KDM4C: variants seen among roughly 807,000 people sequenced by gnomAD.
KDM4C encodes lysine demethylase 4C, also known as lysine-specific demethylase 4C.
KDM4C carries 81 observed loss-of-function variants against 129.3 expected under a neutral mutation model. The observed-to-expected ratio is 0.63, with a 90% CI of 0.52 to 0.75. The LOEUF is 0.75. Ranked by LOEUF, KDM4C falls within the 30% of genes least tolerant of loss-of-function variation. The probability of loss-of-function intolerance (pLI) is 0.00; values close to 1 mark genes in which losing one functional copy is unlikely to be tolerated. For synonymous variants in KDM4C, 573 were observed against 456.1 expected, an observed-to-expected ratio of 1.26 and a Z score of -3.26; for missense variants, 1,457 against 1,304.0, an observed-to-expected ratio of 1.12 and a Z score of -1.81.
chr9:6,868,341 G>A (rs760447487), intron 5 of KDM4C, among the ~76,000 whole-genome samples: 5 of 152,060 alleles, frequency 3.3e-5, no homozygotes, highest in South Asian at 2.1e-4. Flanking sequence ...GAGAGTTTCC[G>A]TAGGTAACAT....
rs758876967 is a variant in KDM4C, at chr9:6,814,657, A to G, written c.347A>G (p.Tyr116Cys). Residue 116 changes from tyrosine to cysteine, a missense_variant, in exon 4 of 22, where the codon TAC becomes TGC. By Grantham distance (194) the Tyr-to-Cys change is radical. Transcript: ENST00000381309. Reference protein sequence around the residue: ...GKYCTPRYLDYEDLERKYWKN... With the variant: ...GKYCTPRYLDCEDLERKYWKN... ...TATTGTACTCCAAGATACTTGGATTACGAAGATTTGGAGCGCAAGTACTGG... is the reference window on the plus strand; with the variant it reads ...TATTGTACTCCAAGATACTTGGATTGCGAAGATTTGGAGCGCAAGTACTGG... 2.5e-6 allele frequency: 4 copies of G among 1,606,154 alleles called. No homozygotes were observed. In the South Asian group the frequency reaches 4.5e-5, roughly 18 times the overall value.
At chr9:7,082,636 A>C (rs1834668069) in intron 17 of KDM4C, among the ~76,000 whole-genome samples, 1 of 152,070 alleles carries the variant, frequency 6.6e-6, no homozygotes, top group Non-Finnish European at 1.5e-5. Context: ...CTCAGCTGGC[A>C]TTTGTCTGCT....
At chr9:6,895,642 C>T (rs1816292862) in intron 8 of KDM4C, among the ~76,000 whole-genome samples, 1 of 151,984 alleles carries the variant, frequency 6.6e-6, no homozygotes, top group Non-Finnish European at 1.5e-5. Context: ...TAGCTCATGC[C>T]TATAACTAGC....
chr9:7,065,910 C>T (rs1012683735), intron 17 of KDM4C, among the ~76,000 whole-genome samples: 32 of 151,414 alleles, frequency 2.1e-4, no homozygotes, highest in Non-Finnish European at 4.0e-4. Flanking sequence ...AATTGTGATC[C>T]GCAGGTCTTT....
upstream of KDM4C, among the ~76,000 whole-genome samples, chr9:6,753,107 T>G (rs1483673603): frequency 6.6e-6 from 1 of 152,202 alleles, no homozygotes; most frequent in South Asian, 2.1e-4. Flanking sequence ...TCTACCCCAA[T>G]GGATGGTTTG....
intron 18 of KDM4C, among the ~76,000 whole-genome samples, chr9:7,123,758 C>A (rs1839749886): frequency 6.6e-6 from 1 of 152,152 alleles, no homozygotes; most frequent in South Asian, 2.1e-4. Flanking sequence ...CACATTATGC[C>A]TTCCTTCCTG....
intron 2 of KDM4C, among the ~76,000 whole-genome samples, chr9:6,797,986 C>A (rs567986386): frequency 6.6e-6 from 1 of 152,130 alleles, no homozygotes; most frequent in Non-Finnish European, 1.5e-5. Context: ...ACTTTGGAAT[C>A]TTTTAAAGAT....
intron 21 of KDM4C, among the ~76,000 whole-genome samples, chr9:7,173,352 C>T (rs1454587066): frequency 3.9e-5 from 6 of 152,210 alleles, no homozygotes; most frequent in East Asian, 1.9e-4. Flanking sequence ...CAACTGATGC[C>T]GTCTGAGCAG....
At chr9:6,742,684 T>TTC (rs1287755866) in intron 1 of KDM4C, among the ~76,000 whole-genome samples, 2 of 151,112 alleles carry the variant, frequency 1.3e-5, no homozygotes, top group African/African-American at 4.9e-5. Context: ...GTGGGGAATT[T>TTC]TTTTTTTTTT....
intron 8 of KDM4C, among the ~76,000 whole-genome samples, chr9:6,967,693 A>G (rs1831241307): frequency 6.6e-6 from 1 of 152,100 alleles, no homozygotes; most frequent in Admixed American, 6.5e-5. Context: ...CTGCCTTATA[A>G]TCTCTGTAAG....
chr9:6,861,407 T>G (rs1398462005), intron 5 of KDM4C, among the ~76,000 whole-genome samples: 1 of 152,250 alleles, frequency 6.6e-6, no homozygotes, highest in Non-Finnish European at 1.5e-5. Flanking sequence ...TTCTTAGGGA[T>G]AAATATTACA....
chr9:6,933,923 C>T (rs1210299249), intron 8 of KDM4C, among the ~76,000 whole-genome samples: 4 of 151,814 alleles, frequency 2.6e-5, no homozygotes, highest in Non-Finnish European at 5.9e-5. Context: ...GATCTTGGCT[C>T]ATGACAATCT....
intron 8 of KDM4C, among the ~76,000 whole-genome samples, chr9:6,915,856 T>C (rs1029578468): frequency 1.3e-5 from 2 of 152,208 alleles, no homozygotes; most frequent in African/African-American, 2.4e-5. Context: ...TTTGCCATCA[T>C]GGAAGGACCT....
At chr9:7,164,540 G>A (rs1207525477) in intron 19 of KDM4C, among the ~76,000 whole-genome samples, 2 of 152,174 alleles carry the variant, frequency 1.3e-5, no homozygotes, top group Admixed American at 6.5e-5. Context: ...GCACATTTAT[G>A]TAGGGGGGTC....
At chr9:6,892,278 A>G (rs991224150) in intron 7 of KDM4C, among the ~76,000 whole-genome samples, 3 of 152,166 alleles carry the variant, frequency 2.0e-5, no homozygotes, top group Admixed American at 6.5e-5. Context: ...CATTTGAAGG[A>G]GTGAGCAATA....
chr9:7,172,362 C>T (rs1011053112), intron 21 of KDM4C, among the ~76,000 whole-genome samples: 4 of 152,272 alleles, frequency 2.6e-5, no homozygotes, highest in East Asian at 1.9e-4. Flanking sequence ...ACCATAGCAA[C>T]GGTGCATAAT....
chr9:7,103,290 A>G (rs1014710967), intron 17 of KDM4C, among the ~76,000 whole-genome samples: 1 of 152,190 alleles, frequency 6.6e-6, no homozygotes, highest in African/African-American at 2.4e-5. Context: ...CCCATATTCT[A>G]CTTCTTGATG....
At chr9:7,016,012 G>A in intron 15 of KDM4C, 83 bp downstream of exon 15, 1 of 940,584 alleles carries the variant, frequency 1.1e-6, no homozygotes, top group Non-Finnish European at 1.7e-6. Context: ...GAAAAGATAA[G>A]ATTGCTCAGG....
chr9:7,156,009 C>G (rs1247827261), intron 19 of KDM4C, among the ~76,000 whole-genome samples: 2 of 152,234 alleles, frequency 1.3e-5, no homozygotes, highest in African/African-American at 4.8e-5. Context: ...TCCACATCCT[C>G]TCCAGCATCT....
Sources: allele counts gnomAD v4.1 joint callset (sites outside exome capture counted in the v4.1 genomes callset), GRCh38; gene constraint gnomAD v4.1.1; transcripts MANE v1.5; gene names NCBI Gene and HGNC (gene_info 2026-07-23, HGNC 2026-07-21).